The following MRPS31 variants were observed in gnomAD, a reference collection of about 807,000 sequenced individuals.
The protein encoded by MRPS31 is small ribosomal subunit protein mS31.
Under a neutral mutation model 43.1 loss-of-function variants are expected in MRPS31, and 32 were observed. The ratio of observed to expected loss-of-function variants is 0.74; its 90% CI spans 0.56 to 1.00. MRPS31 has a LOEUF of 1.00. Ranked by LOEUF, MRPS31 falls within the 50% of genes least tolerant of loss-of-function variation. MRPS31 has a pLI of 0.00. For missense variants in MRPS31, 437 were observed against 466.7 expected (o/e 0.94, Z 0.59); for synonymous variants, 165 against 161.6 (o/e 1.02, Z -0.16).
intron 6 of MRPS31, among the ~76,000 whole-genome samples, chr13:40,737,544 C>T (rs1221781859): frequency 6.6e-6 from 1 of 152,088 alleles, no homozygotes; most frequent in East Asian, 1.9e-4. Context: ...TAAAGCTCTC[C>T]TCAGCAAATG....
At chr13:40,760,696 G>A (rs1028618767) in intron 2 of MRPS31, among the ~76,000 whole-genome samples, 3 of 149,804 alleles carry the variant, frequency 2.0e-5, no homozygotes, top group African/African-American at 7.4e-5. Flanking sequence ...TCAAAGTCCT[G>A]GGTTCAAGCA....
chr13:40,751,246 T>C lies in MRPS31; in HGVS notation c.815-1965A>G, dbSNP rs1246224684. On this transcript the variant is annotated intron_variant, in intron 5 of 6. Coordinates refer to ENST00000323563, the MANE Select transcript of MRPS31 (RefSeq NM_005830.4). ...TTAATTGTCTCAGTTATCTTTTACT[T>C]GGTGGTCACTGACCCACCTATGTCT... Among the ~76,000 whole-genome samples the C allele has an allele frequency of 4.6e-5, 7 of 152,222 alleles. No individual in the cohort carries two copies. The East Asian group carries it at 1.3e-3, about 29-fold the overall frequency.
chr13:40,741,073 G>A (rs1243299072), intron 6 of MRPS31, among the ~76,000 whole-genome samples: 18 of 151,540 alleles, frequency 1.2e-4, no homozygotes, highest in Admixed American at 2.6e-4. Flanking sequence ...TACATTGGAA[G>A]GATGAGGAGA....
chr13:40,748,152 T>TTTTG (rs534343465), intron 6 of MRPS31, among the ~76,000 whole-genome samples: 3 of 151,856 alleles, frequency 2.0e-5, no homozygotes, highest in East Asian at 1.9e-4. Flanking sequence ...ATGAATCTTT[T>TTTTG]TTTGTTTGTT....
Position 40,771,102 on chromosome 13 carries a change from C to A in MRPS31, c.35G>T (p.Arg12Leu), listed in dbSNP as rs756862669. 6.2e-7 allele frequency: 1 copy of A among 1,613,298 alleles called. No homozygotes were observed. Reference sequence around the variant, plus strand: ...GGACAAAGGGTGGCGGGAAAGGGGGCGAAGAGGTAGGAACGTCGAGACTCT... The same window carrying A: ...GGACAAAGGGTGGCGGGAAAGGGGGAGAAGAGGTAGGAACGTCGAGACTCT... ...FPRVSTFLPLRPLSRHPLSSG... is the reference protein window; with the variant it reads ...FPRVSTFLPLLPLSRHPLSSG... The change falls in exon 1 of 7, where the codon CGC (arginine) becomes CTC (leucine). Residue 12 changes from arginine to leucine, a missense_variant. Arg to Leu is a moderately radical substitution (Grantham distance 102). Coordinates refer to ENST00000323563, the MANE Select transcript of MRPS31 (RefSeq NM_005830.4).
At chr13:40,736,989 A>G (rs1220209350) in intron 6 of MRPS31, among the ~76,000 whole-genome samples, 2 of 151,470 alleles carry the variant, frequency 1.3e-5, no homozygotes, top group Admixed American at 6.6e-5. Context: ...AGACTGGCAA[A>G]TTGGATAAAG....
chr13:40,755,390 G>A (rs550270416), intron 4 of MRPS31, among the ~76,000 whole-genome samples: 1 of 152,352 alleles, frequency 6.6e-6, no homozygotes, highest in East Asian at 1.9e-4. Context: ...CAAAGAGAGG[G>A]AATGGACATT....
chr13:40,757,821 C>T (rs1880576354), intron 3 of MRPS31, among the ~76,000 whole-genome samples: 1 of 148,646 alleles, frequency 6.7e-6, no homozygotes, highest in Non-Finnish European at 1.5e-5. Flanking sequence ...GATCACAGCT[C>T]AATGCAACTT....
chr13:40,746,452 T>C (rs905619976), intron 6 of MRPS31, among the ~76,000 whole-genome samples: 8 of 152,178 alleles, frequency 5.3e-5, no homozygotes, highest in African/African-American at 1.9e-4. Context: ...GATCACCTCT[T>C]TTCCAACTCT....
chr13:40,761,048 G>A (rs1442250602), intron 2 of MRPS31, among the ~76,000 whole-genome samples: 3 of 151,882 alleles, frequency 2.0e-5, no homozygotes, highest in African/African-American at 7.3e-5. Context: ...AGGCTGAGGC[G>A]GGAGGATCGC....
At position 40,729,448 on chromosome 13, in the gene MRPS31, T is replaced by C. The variant is rs757681509; in HGVS notation, c.1112A>G (p.Glu371Gly). 1.7e-5 allele frequency: 27 copies of C among 1,605,120 alleles called. No homozygotes were observed. The South Asian group carries it at 2.4e-4, about 14-fold the overall frequency. ...ATAATTTCTAAACCACTCTATGTGT[T>C]CAACCTTCTGTTTAACACTAAGATA... ...NPYLSVKQKVEHIEWFRNYFN... is the reference protein window; with the variant it reads ...NPYLSVKQKVGHIEWFRNYFN... Residue 371 changes from glutamate (E) to glycine (G), a missense_variant, in exon 7 of 7, where the codon GAA becomes GGA. Glu to Gly is a moderately conservative substitution (Grantham distance 98, BLOSUM62 -2). Coordinates refer to ENST00000323563, the MANE Select transcript of MRPS31 (RefSeq NM_005830.4).
chr13:40,751,778 G>A lies in MRPS31; in HGVS notation c.814+2241C>T, dbSNP rs192559920. On this transcript the variant is annotated intron_variant, in intron 5 of 6. Transcript: ENST00000323563. ...AAAACCATTCTTTAGACTCATGCAAGTATAGCATATTTAAACAGTACCTTC... is the reference window on the plus strand; with the variant it reads ...AAAACCATTCTTTAGACTCATGCAAATATAGCATATTTAAACAGTACCTTC... Among the ~76,000 whole-genome samples the A allele has an allele frequency of 8.3e-4, 126 of 152,298 alleles. 1 individual carries two copies. The Middle Eastern group carries it at 0.01, about 12-fold the overall frequency.
chr13:40,738,932 G>A (rs1396356313), intron 6 of MRPS31, among the ~76,000 whole-genome samples: 1 of 152,110 alleles, frequency 6.6e-6, no homozygotes, highest in African/African-American at 2.4e-5. Flanking sequence ...TGCAAGTTCT[G>A]GCCAGGACAA....
chr13:40,769,403 T>C (rs1790484260), intron 1 of MRPS31, among the ~76,000 whole-genome samples: 2 of 102,060 alleles, frequency 2.0e-5, no homozygotes. Context: ...TATATATATA[T>C]ATATATATAT....
chr13:40,749,206 C>T lies in MRPS31; in HGVS notation c.890G>A (p.Gly297Glu), dbSNP rs770531505. The change falls in exon 6 of 7, where the codon GGA becomes GAA. Residue 297 changes from glycine (G) to glutamate (E), a missense_variant. Transcript: ENST00000323563. The part of the protein sequence containing the change: ...ATVNEQPLQN[G>E]FEELIQWTKE... ...TGTCCACTGGATCAGCTCTTCAAAT[C>T]CATTCTGAAGGGGTTGTTCATTTAC... is the stretch of plus-strand genomic sequence containing the variant. The T allele has an allele frequency of 1.9e-6, 3 of 1,601,512 alleles. No individual in the cohort carries two copies. Among genetic ancestry groups the T allele is most frequent in the Admixed American group, 1.8e-5 (1 of 56,402 alleles).
chr13:40,745,377 C>T (rs371522038), intron 6 of MRPS31, among the ~76,000 whole-genome samples: 2 of 151,218 alleles, frequency 1.3e-5, no homozygotes, highest in African/African-American at 4.9e-5. Flanking sequence ...CTCAGCCTCC[C>T]GAGTAGCTGG....
chr13:40,764,540 G>A (rs1393757339), intron 2 of MRPS31, among the ~76,000 whole-genome samples: 1 of 152,066 alleles, frequency 6.6e-6, no homozygotes, highest in Admixed American at 6.6e-5. Flanking sequence ...TGTGGAACAA[G>A]GGTAAACACG....
chr13:40,750,773 T>TATATATATA, intron 5 of MRPS31, among the ~76,000 whole-genome samples: 1 of 135,460 alleles, frequency 7.4e-6, no homozygotes, highest in East Asian at 2.2e-4. Context: ...TATATATATA[T>TATATATATA]TACATATATA....
At chr13:40,766,650 T>A in intron 2 of MRPS31, 96 bp downstream of exon 2, 6 of 1,192,440 alleles carry the variant, frequency 5.0e-6, no homozygotes, top group Non-Finnish European at 7.0e-6. Flanking sequence ...CTTCATTAAT[T>A]CAACATTTCC....
Sources: allele counts gnomAD v4.1 joint callset (sites outside exome capture counted in the v4.1 genomes callset), GRCh38; gene constraint gnomAD v4.1.1; transcripts MANE v1.5; gene names NCBI Gene and HGNC (gene_info 2026-07-23, HGNC 2026-07-21).